The following STXBP5L variants were observed in gnomAD, a reference collection of about 807,000 sequenced individuals.
The protein encoded by STXBP5L is syntaxin binding protein 5L.
STXBP5L carries 65 observed loss-of-function variants against 144.5 expected under a neutral mutation model. The ratio of observed to expected loss-of-function variants is 0.45; its 90% CI spans 0.37 to 0.55. The LOEUF (loss-of-function observed/expected upper bound fraction) is 0.55, where lower values mean the gene tolerates loss of function less well. Among genes scored for constraint, STXBP5L ranks in the 20% least tolerant of loss-of-function variants. STXBP5L has a pLI of 0.00. For synonymous variants in STXBP5L, 505 were observed against 469.6 expected, an observed-to-expected ratio of 1.08 and a Z score of -0.97; for missense variants, 1,298 against 1,405.5, an observed-to-expected ratio of 0.92 and a Z score of 1.22.
chr3:121,070,194 G>T lies in STXBP5L; in HGVS notation c.470+24659G>T, dbSNP rs1037613522. ...TTTTCCTACTTTTAAACTTCTTAAGGTGGGAACTACGTGAGGCGAGAAGTA... is the reference window on the plus strand; with the variant it reads ...TTTTCCTACTTTTAAACTTCTTAAGTTGGGAACTACGTGAGGCGAGAAGTA... On this transcript the variant is annotated intron_variant, in intron 5 of 26. Coordinates refer to ENST00000471454, the MANE Select transcript of STXBP5L (RefSeq NM_001308330.2). 6.6e-5 allele frequency among the ~76,000 whole-genome samples: 10 copies of T among 152,336 alleles called. No individual in the cohort carries two copies. In the East Asian group the frequency reaches 1.2e-3, roughly 18 times the overall value.
chr3:121,037,619 C>T (rs1451019752), intron 3 of STXBP5L, among the ~76,000 whole-genome samples: 3 of 151,908 alleles, frequency 2.0e-5, no homozygotes, highest in Non-Finnish European at 4.4e-5. Context: ...CTGAAGTTTT[C>T]TTGTTTTATG....
At chr3:120,958,890 G>A (rs1459727990) in intron 3 of STXBP5L, among the ~76,000 whole-genome samples, 1 of 152,170 alleles carries the variant, frequency 6.6e-6, no homozygotes, top group Non-Finnish European at 1.5e-5. Context: ...ACATAGTGTT[G>A]GAAGTTCTGG....
At chr3:121,194,590 T>A (rs2047845725) in intron 9 of STXBP5L, among the ~76,000 whole-genome samples, 1 of 152,006 alleles carries the variant, frequency 6.6e-6, no homozygotes, top group Admixed American at 6.6e-5. Context: ...ATAGAATGAG[T>A]TGGGAAGTGT....
intron 10 of STXBP5L, 44 bp downstream of exon 10, chr3:121,206,045 CA>C: frequency 5.9e-6 from 7 of 1,181,816 alleles, no homozygotes; most frequent in South Asian, 3.7e-5. Flanking sequence ...GAAGCAGAGA[CA>C]AAAAATGCAG....
At chr3:121,090,171 G>A (rs2042707242) in intron 5 of STXBP5L, among the ~76,000 whole-genome samples, 1 of 152,088 alleles carries the variant, frequency 6.6e-6, no homozygotes, top group African/African-American at 2.4e-5. Flanking sequence ...TGAGGTTTCA[G>A]TTTTTATTTA....
At chr3:121,123,426 T>C (rs2044561637) in intron 7 of STXBP5L, among the ~76,000 whole-genome samples, 2 of 151,768 alleles carry the variant, frequency 1.3e-5, no homozygotes, top group Non-Finnish European at 3.0e-5. Context: ...TGAATGCTGA[T>C]GTATTCATAC....
chr3:121,356,069 C>T (rs908788019), intron 20 of STXBP5L, among the ~76,000 whole-genome samples: 6 of 152,304 alleles, frequency 3.9e-5, no homozygotes, highest in African/African-American at 1.4e-4. Flanking sequence ...GGAAGCTTCG[C>T]CCCACAGGGG....
At chr3:121,350,675 C>G (rs1274297105) in intron 20 of STXBP5L, among the ~76,000 whole-genome samples, 1 of 151,898 alleles carries the variant, frequency 6.6e-6, no homozygotes, top group East Asian at 1.9e-4. Flanking sequence ...TTCTTTTTTT[C>G]GTTAAACTTC....
chr3:121,332,531 A>T (rs2044354632), intron 20 of STXBP5L, among the ~76,000 whole-genome samples: 1 of 151,982 alleles, frequency 6.6e-6, no homozygotes, highest in Non-Finnish European at 1.5e-5. Flanking sequence ...GAGCTTCAAG[A>T]CAAAATTTTG....
At chr3:121,300,610 G>C (rs2051852612) in intron 19 of STXBP5L, among the ~76,000 whole-genome samples, 1 of 151,566 alleles carries the variant, frequency 6.6e-6, no homozygotes, top group Non-Finnish European at 1.5e-5. Flanking sequence ...ATAATCCCTA[G>C]AACAACCATT....
intron 2 of STXBP5L, among the ~76,000 whole-genome samples, chr3:120,911,946 TTTCTC>T (rs1214372211): frequency 6.6e-6 from 1 of 151,946 alleles, no homozygotes; most frequent in Non-Finnish European, 1.5e-5. Context: ...TGCAAAAAAA[TTTCTC>T]TTCTGAGTTC....
intron 6 of STXBP5L, among the ~76,000 whole-genome samples, chr3:121,115,850 G>A (rs2044210200): frequency 6.6e-6 from 1 of 151,992 alleles, no homozygotes; most frequent in Non-Finnish European, 1.5e-5. Context: ...TTAGGGGGAG[G>A]TGCCACACAC....
intron 20 of STXBP5L, among the ~76,000 whole-genome samples, chr3:121,367,221 T>A (rs1017938357): frequency 2.6e-5 from 4 of 152,184 alleles, no homozygotes; most frequent in African/African-American, 9.6e-5. Flanking sequence ...TATTTGTCTT[T>A]ATTGAGATCT....
At chr3:121,179,535 A>AT (rs1190618162) in intron 9 of STXBP5L, among the ~76,000 whole-genome samples, 3 of 152,166 alleles carry the variant, frequency 2.0e-5, no homozygotes, top group Non-Finnish European at 2.9e-5. Context: ...GGGTTCTCTA[A>AT]TACCCCTAAA....
chr3:121,088,185 C>G (rs61795510), intron 5 of STXBP5L, among the ~76,000 whole-genome samples: 3 of 142,424 alleles, frequency 2.1e-5, no homozygotes, highest in Non-Finnish European at 4.6e-5. Context: ...TTTTCGCAAC[C>G]TACTCATCTG....
At chr3:121,171,403 G>T (rs2046711953) in intron 9 of STXBP5L, among the ~76,000 whole-genome samples, 3 of 152,152 alleles carry the variant, frequency 2.0e-5, no homozygotes, top group Non-Finnish European at 2.9e-5. Flanking sequence ...AATAGGAAGA[G>T]AGGAAGTCAT....
intron 5 of STXBP5L, among the ~76,000 whole-genome samples, chr3:121,047,273 G>C (rs1014044027): frequency 5.3e-5 from 8 of 151,976 alleles, no homozygotes; most frequent in Non-Finnish European, 1.0e-4. Flanking sequence ...ATGTCCAATT[G>C]TGTGGTTGAT....
chr3:121,036,772 ATTTTTT>A (rs3863971), intron 3 of STXBP5L, among the ~76,000 whole-genome samples: 8 of 122,184 alleles, frequency 6.5e-5, no homozygotes, highest in African/African-American at 2.2e-4. Flanking sequence ...ACATTGATTG[ATTTTTT>A]TTTTTTTTTT....
At chr3:121,361,653 C>T (rs1233147934) in intron 20 of STXBP5L, among the ~76,000 whole-genome samples, 2 of 151,856 alleles carry the variant, frequency 1.3e-5, no homozygotes, top group Non-Finnish European at 2.9e-5. Context: ...TTATTTCAAT[C>T]TCTTGTTAAA....
Sources: allele counts gnomAD v4.1 joint callset (sites outside exome capture counted in the v4.1 genomes callset), GRCh38; gene constraint gnomAD v4.1.1; transcripts MANE v1.5; gene names NCBI Gene and HGNC (gene_info 2026-07-23, HGNC 2026-07-21).